Variants in ABLIM1 observed in about 807,000 individuals in gnomAD.
ABLIM1 encodes actin-binding LIM protein 1.
ABLIM1 carries 40 observed loss-of-function variants against 107.0 expected under a neutral mutation model. The ratio of observed to expected loss-of-function variants is 0.37; its 90% CI spans 0.29 to 0.49. The LOEUF (loss-of-function observed/expected upper bound fraction) is 0.49, where lower values mean the gene tolerates loss of function less well. ABLIM1 is among the 20% of genes least tolerant of loss of function. ABLIM1 has a pLI of 0.97. For synonymous variants in ABLIM1, 357 were observed against 357.3 expected (o/e 1.00, Z 0.01); for missense variants, 857 against 1,008.5 (o/e 0.85, Z 2.04).
At chr10:114,689,661 C>T (rs780860520), upstream of ABLIM1, among the ~76,000 whole-genome samples, 9 of 151,936 alleles carry the variant, frequency 5.9e-5, no homozygotes, top group Admixed American at 2.6e-4. Context: ...CGCACCTGGC[C>T]GCACTTTTTC....
chr10:114,584,209 G>C (rs1284794182), intron 2 of ABLIM1, among the ~76,000 whole-genome samples: 2 of 152,078 alleles, frequency 1.3e-5, no homozygotes, highest in African/African-American at 4.8e-5. Context: ...CACCTTCCTA[G>C]GCTGTCATGT....
intron 8 of ABLIM1, among the ~76,000 whole-genome samples, chr10:114,480,359 ATATT>A (rs2057152177): frequency 6.6e-6 from 1 of 152,226 alleles, no homozygotes; most frequent in Non-Finnish European, 1.5e-5. Flanking sequence ...ACAATTTCAA[ATATT>A]TATCACCAAA....
At chr10:114,492,546 C>A (rs1033024372) in intron 6 of ABLIM1, among the ~76,000 whole-genome samples, 1 of 152,106 alleles carries the variant, frequency 6.6e-6, no homozygotes, top group Non-Finnish European at 1.5e-5. Flanking sequence ...TGTTGACTTC[C>A]CCAAAGCAAA....
chr10:114,644,679 G>A (rs1447000202), intron 1 of ABLIM1, among the ~76,000 whole-genome samples: 1 of 152,078 alleles, frequency 6.6e-6, no homozygotes, highest in Non-Finnish European at 1.5e-5. Flanking sequence ...TTTTTATCCA[G>A]TTTTGAAAAA....
chr10:114,568,449 T>C (rs2071135744), intron 4 of ABLIM1, among the ~76,000 whole-genome samples: 1 of 152,204 alleles, frequency 6.6e-6, no homozygotes, highest in Admixed American at 6.5e-5. Context: ...TCACACAGGC[T>C]AGTTTTAAAG....
At chr10:114,532,051 G>C (rs2065505352) in intron 6 of ABLIM1, among the ~76,000 whole-genome samples, 1 of 152,288 alleles carries the variant, frequency 6.6e-6, no homozygotes, top group East Asian at 1.9e-4. Flanking sequence ...CTGGCCTCAA[G>C]TGATCTGCTC....
chr10:114,459,037 C>T (rs967202934), intron 12 of ABLIM1, among the ~76,000 whole-genome samples: 1 of 152,184 alleles, frequency 6.6e-6, no homozygotes, highest in South Asian at 2.1e-4. Context: ...ACAGTCTGTG[C>T]CGTGCATCTC....
chr10:114,648,288 G>A (rs1210315259), intron 1 of ABLIM1, among the ~76,000 whole-genome samples: 2 of 152,120 alleles, frequency 1.3e-5, no homozygotes, highest in East Asian at 1.9e-4. Flanking sequence ...AATGACCATC[G>A]GCTGACGAAA....
At chr10:114,769,020 TC>T (rs969476460), upstream of ABLIM1, among the ~76,000 whole-genome samples, 3 of 151,464 alleles carry the variant, frequency 2.0e-5, no homozygotes, top group Admixed American at 2.0e-4. Context: ...TGTCCTCTCT[TC>T]CTCTGTGCAC....
rs555934206 is a variant in ABLIM1, at chr10:114,766,706, G to A, written c.-213+1355C>T. ...CCTCAGAGAGATTTACAACTTATAA[G>A]AGATATTCTCCATATGTTCCTTGTG... On this transcript the variant is annotated intron_variant, in intron 1 of 15. Transcript: ENST00000651092. 2.0e-5 allele frequency among the ~76,000 whole-genome samples: 3 copies of A among 152,270 alleles called. No individual in the cohort carries two copies. In the South Asian group the frequency reaches 6.2e-4, roughly 32 times the overall value.
intron 1 of ABLIM1, among the ~76,000 whole-genome samples, chr10:114,670,955 G>T (rs914602673): frequency 2.0e-5 from 3 of 152,022 alleles, no homozygotes; most frequent in Non-Finnish European, 4.4e-5. Context: ...TACCTACAAA[G>T]TTCACAAATC....
chr10:114,646,152 A>G (rs1387293663), intron 1 of ABLIM1, among the ~76,000 whole-genome samples: 1 of 152,240 alleles, frequency 6.6e-6, no homozygotes, highest in African/African-American at 2.4e-5. Flanking sequence ...GTGGACAGGA[A>G]GGAAAATATT....
intron 2 of ABLIM1, 131 bp downstream of exon 2, chr10:114,601,696 A>G (rs1426878377): frequency 7.0e-7 from 1 of 1,433,988 alleles, no homozygotes; most frequent in African/African-American, 1.4e-5. Flanking sequence ...CTGGCAGTAA[A>G]TGATGTCAGG....
chr10:114,698,571 A>T (rs1420074161), intron 1 of ABLIM1, among the ~76,000 whole-genome samples: 1 of 152,166 alleles, frequency 6.6e-6, no homozygotes, highest in Non-Finnish European at 1.5e-5. Context: ...GAACAAACTA[A>T]GTGCTGGACA....
intron 4 of ABLIM1, among the ~76,000 whole-genome samples, chr10:114,560,945 G>A (rs1358666578): frequency 1.3e-5 from 2 of 152,148 alleles, no homozygotes; most frequent in Admixed American, 6.5e-5. Flanking sequence ...AAAATGTTTT[G>A]GAACTAGATA....
chr10:114,741,216 C>CTTTTTTTTTTTT, intron 1 of ABLIM1, among the ~76,000 whole-genome samples: 1 of 59,876 alleles, frequency 1.7e-5, no homozygotes, highest in Non-Finnish European at 3.2e-5. Context: ...GACTATTCTT[C>CTTTTTTTTTTTT]TTTTTTTTTT....
rs150522930 is a variant in ABLIM1 at position 114,678,459 on chromosome 10, A to G, written c.64+5831T>C. On this transcript the variant is annotated intron_variant, in intron 1 of 23. Transcript: ENST00000369256. ...AGTCTTCCACAGCTGACTCTTTCTT[A>G]TTTCTTTCAGTAGTCTAGGGCAGTG... Among the ~76,000 whole-genome samples, 167 of 152,222 alleles carry G rather than the reference A, an allele frequency of 1.1e-3. 1 individual carries two copies. The highest frequency in any genetic ancestry group is 3.8e-3 in the African/African-American group (159 of 41,528).
At chr10:114,538,925 T>A (rs2066330750) in intron 6 of ABLIM1, among the ~76,000 whole-genome samples, 1 of 152,246 alleles carries the variant, frequency 6.6e-6, no homozygotes, top group Non-Finnish European at 1.5e-5. Flanking sequence ...CTTAGTCTGT[T>A]GGTAAAACAG....
At chr10:114,770,684 C>T (rs775082046), upstream of ABLIM1, among the ~76,000 whole-genome samples, 6 of 152,184 alleles carry the variant, frequency 3.9e-5, no homozygotes, top group Non-Finnish European at 8.8e-5. Context: ...TGTTGTAAGT[C>T]TTTTCTATCT....
Sources: gnomAD v4.1 joint callset for allele counts (sites outside exome capture counted in the v4.1 genomes callset) on GRCh38, gnomAD v4.1.1 for gene constraint, MANE v1.5 for transcripts, NCBI Gene and HGNC (gene_info 2026-07-23, HGNC 2026-07-21) for gene names.